TBC1D19: variants seen among roughly 807,000 people sequenced by gnomAD.
TBC1D19 encodes TBC1 domain family member 19.
TBC1D19 carries 60 observed loss-of-function variants against 89.0 expected under a neutral mutation model. The ratio of observed to expected loss-of-function variants is 0.67; its 90% CI spans 0.55 to 0.84. The LOEUF is 0.84. Ranked by LOEUF, TBC1D19 falls within the 40% of genes least tolerant of loss-of-function variation. The pLI is 0.00. For synonymous variants in TBC1D19, 189 were observed against 199.7 expected (o/e 0.95, Z 0.45); for missense variants, 500 against 610.8 (o/e 0.82, Z 1.91).
the TBC1D19 span, among the ~76,000 whole-genome samples, chr4:26,807,932 G>A: frequency 6.6e-6 from 1 of 152,170 alleles, no homozygotes; most frequent in Non-Finnish European, 1.5e-5. Context: ...CTAATTTAGT[G>A]ACAGGGAAAC....
intron 1 of TBC1D19, among the ~76,000 whole-genome samples, chr4:26,578,912 G>A (rs1161848384): frequency 1.3e-5 from 2 of 152,162 alleles, no homozygotes; most frequent in Non-Finnish European, 2.9e-5. Context: ...CAATTTATGA[G>A]CAAGCTGCTT....
At chr4:26,665,057 A>G (rs1244527832) in intron 8 of TBC1D19, among the ~76,000 whole-genome samples, 1 of 152,092 alleles carries the variant, frequency 6.6e-6, no homozygotes, top group African/African-American at 2.4e-5. Flanking sequence ...GAACTGGGGC[A>G]TAGTAGGGGA....
At chr4:26,679,956 C>T (rs1257141144) in intron 11 of TBC1D19, among the ~76,000 whole-genome samples, 1 of 152,250 alleles carries the variant, frequency 6.6e-6, no homozygotes, top group Non-Finnish European at 1.5e-5. Flanking sequence ...ATAATCCCCA[C>T]ATGTCATGGA....
the TBC1D19 span, among the ~76,000 whole-genome samples, chr4:26,836,723 A>G: frequency 2.5e-4 from 38 of 152,346 alleles, no homozygotes; most frequent in South Asian, 1.9e-3. Flanking sequence ...TCCAGATTGC[A>G]GCAGCCCAGG....
chr4:26,807,510 A>G, the TBC1D19 span, among the ~76,000 whole-genome samples: 8 of 152,044 alleles, frequency 5.3e-5, no homozygotes, highest in Non-Finnish European at 1.2e-4. Flanking sequence ...GAGCTGCTTC[A>G]TTTTCCCAAG....
At position 26,681,042 on chromosome 4, in the gene TBC1D19, A is replaced by G. The variant is rs140407777; in HGVS notation, c.817-2633A>G. Reference sequence around the variant, plus strand: ...ACAAATCATTGAAATGGAAATTCAAATGGCCAATAAATATATGAAAGATTC... The same window carrying G: ...ACAAATCATTGAAATGGAAATTCAAGTGGCCAATAAATATATGAAAGATTC... On this transcript the variant is annotated intron_variant, in intron 11 of 20. Coordinates refer to ENST00000264866, the MANE Select transcript of TBC1D19 (RefSeq NM_018317.4). 2.0e-5 allele frequency among the ~76,000 whole-genome samples: 3 copies of G among 152,338 alleles called. No homozygotes were observed. In the East Asian group the frequency reaches 5.8e-4, roughly 29 times the overall value.
At chr4:26,851,867 C>T in the TBC1D19 span, among the ~76,000 whole-genome samples, 1 of 152,216 alleles carries the variant, frequency 6.6e-6, no homozygotes, top group African/African-American at 2.4e-5. Flanking sequence ...AGGCGTGTGC[C>T]ACCACGCTCA....
chr4:26,680,366 A>G (rs1343285188), intron 11 of TBC1D19, among the ~76,000 whole-genome samples: 2 of 152,178 alleles, frequency 1.3e-5, no homozygotes, highest in Non-Finnish European at 2.9e-5. Flanking sequence ...CTTTTAAAAA[A>G]AATCTTTTTT....
intron 1 of TBC1D19, among the ~76,000 whole-genome samples, chr4:26,599,106 A>T (rs1740430673): frequency 6.6e-6 from 1 of 152,068 alleles, no homozygotes; most frequent in Admixed American, 6.6e-5. Context: ...TATTAGACAG[A>T]TCTATAATAT....
intron 18 of TBC1D19, among the ~76,000 whole-genome samples, chr4:26,743,452 T>A (rs1482008107): frequency 6.6e-6 from 1 of 152,072 alleles, no homozygotes; most frequent in Admixed American, 6.5e-5. Flanking sequence ...GTTTTTTAAT[T>A]TATCAAAGCC....
chr4:26,735,318 T>C (rs1177083487), intron 15 of TBC1D19, 137 bp from the exon 16 acceptor site: 2 of 644,378 alleles, frequency 3.1e-6, no homozygotes, highest in Non-Finnish European at 5.2e-6. Context: ...TTACTATCAC[T>C]AAGTCTTTCT....
At chr4:26,795,491 G>C in the TBC1D19 span, among the ~76,000 whole-genome samples, 1 of 152,014 alleles carries the variant, frequency 6.6e-6, no homozygotes, top group Admixed American at 6.6e-5. Flanking sequence ...TGCCTGTTTT[G>C]TTCACCATCG....
intron 16 of TBC1D19, among the ~76,000 whole-genome samples, chr4:26,738,142 C>T (rs12507314): frequency 0.46 from 68,951 of 151,172 alleles, 17,485 homozygotes; most frequent in Admixed American, 0.6. Flanking sequence ...TAAAGCTTTT[C>T]CATTTCATAG....
the TBC1D19 span, among the ~76,000 whole-genome samples, chr4:26,790,498 T>C: frequency 6.6e-6 from 1 of 152,336 alleles, no homozygotes; most frequent in East Asian, 1.9e-4. Context: ...GTCTGGAACA[T>C]ACCTGATGAG....
At chr4:26,657,056 G>C (rs56107773) in intron 7 of TBC1D19, among the ~76,000 whole-genome samples, 30 of 121,120 alleles carry the variant, frequency 2.5e-4, no homozygotes, top group South Asian at 3.0e-4. Context: ...TCCTCTTCTT[G>C]TTCTTCTTCT....
rs1577965519 is a variant in TBC1D19 at position 26,707,581 on chromosome 4, G to A, written c.955-10352G>A. Among the ~76,000 whole-genome samples, 5 of 151,864 alleles carry A rather than the reference G, an allele frequency of 3.3e-5. No homozygotes were observed. In the South Asian group the frequency reaches 1.0e-3, roughly 31 times the overall value. On this transcript the variant is annotated intron_variant, in intron 13 of 20. Transcript: ENST00000264866. ...TCTCATTTTTCTATTTGTTTTCTAT[G>A]TGTCTTATAGCTTTTATGCCTCTCA...
chr4:26,671,189 A>C (rs1049499910), intron 9 of TBC1D19, among the ~76,000 whole-genome samples: 16 of 151,806 alleles, frequency 1.1e-4, no homozygotes, highest in African/African-American at 3.9e-4. Context: ...CATTTGCTCC[A>C]CATCTTTTAC....
At chr4:26,611,374 A>T (rs568597581) in intron 1 of TBC1D19, among the ~76,000 whole-genome samples, 43 of 152,092 alleles carry the variant, frequency 2.8e-4, no homozygotes, top group African/African-American at 9.6e-4. Context: ...CTGAAGAACT[A>T]GGCTATTTGA....
the TBC1D19 span, among the ~76,000 whole-genome samples, chr4:26,801,250 T>C: frequency 6.6e-6 from 1 of 151,886 alleles, no homozygotes; most frequent in Non-Finnish European, 1.5e-5. Context: ...CCCAGTACCA[T>C]TTATTAAATA....
Sources: allele counts gnomAD v4.1 joint callset (sites outside exome capture counted in the v4.1 genomes callset), GRCh38; gene constraint gnomAD v4.1.1; transcripts MANE v1.5; gene names NCBI Gene and HGNC (gene_info 2026-07-23, HGNC 2026-07-21).